The following NXPH1 variants were observed in gnomAD, a reference collection of about 807,000 sequenced individuals.
NXPH1 encodes the protein neurexophilin 1, also known as neurexophilin-1.
NXPH1 carries 5 observed loss-of-function variants against 23.7 expected under a neutral mutation model. That is an observed-to-expected ratio of 0.21 (90% confidence interval 0.11 to 0.44). The LOEUF (loss-of-function observed/expected upper bound fraction) is 0.44, where lower values mean the gene tolerates loss of function less well. NXPH1 is among the 20% of genes least tolerant of loss of function. NXPH1 has a pLI of 0.99. For synonymous variants in NXPH1, 144 were observed against 122.2 expected (o/e 1.18, Z -1.18); for missense variants, 324 against 321.6 (o/e 1.01, Z -0.06).
intron 2 of NXPH1, among the ~76,000 whole-genome samples, chr7:8,671,808 C>G (rs746757502): frequency 6.6e-6 from 1 of 152,106 alleles, no homozygotes; most frequent in African/African-American, 2.4e-5. Flanking sequence ...ATTCTGTCGC[C>G]TCTTTAGAAA....
intron 2 of NXPH1, among the ~76,000 whole-genome samples, chr7:8,514,577 G>T (rs1817660537): frequency 6.6e-6 from 1 of 152,112 alleles, no homozygotes. Context: ...TCCCCCATGT[G>T]CTGTGTGTGT....
chr7:8,658,717 G>A (rs12533122), intron 2 of NXPH1, among the ~76,000 whole-genome samples: 110,998 of 151,994 alleles, frequency 0.73, 40,955 homozygotes, highest in East Asian at 1. Flanking sequence ...ATTTTATAGT[G>A]TTACGTATCG....
At chr7:8,614,962 A>G (rs1290225939) in intron 2 of NXPH1, among the ~76,000 whole-genome samples, 1 of 152,042 alleles carries the variant, frequency 6.6e-6, no homozygotes, top group Non-Finnish European at 1.5e-5. Flanking sequence ...TTTGAGATTA[A>G]AGATTCTGTT....
chr7:8,702,999 G>A (rs940262391), intron 2 of NXPH1, among the ~76,000 whole-genome samples: 20 of 152,118 alleles, frequency 1.3e-4, no homozygotes, highest in African/African-American at 4.8e-4. Context: ...CCTCCTGTTA[G>A]TTTCTGCCAA....
chr7:8,593,941 G>C (rs965709754), intron 2 of NXPH1, among the ~76,000 whole-genome samples: 1 of 151,762 alleles, frequency 6.6e-6, no homozygotes, highest in Non-Finnish European at 1.5e-5. Context: ...AAACATTTCA[G>C]CTTATGATAA....
chr7:8,675,502 ACAAT>A, intron 2 of NXPH1, among the ~76,000 whole-genome samples: 1 of 152,152 alleles, frequency 6.6e-6, no homozygotes, highest in African/African-American at 2.4e-5. Context: ...TATTCATTCG[ACAAT>A]CAGTTATTGA....
At chr7:8,614,945 A>G (rs1819703600) in intron 2 of NXPH1, among the ~76,000 whole-genome samples, 1 of 152,038 alleles carries the variant, frequency 6.6e-6, no homozygotes, top group Admixed American at 6.6e-5. Flanking sequence ...AGGTCTTTTA[A>G]ATGGTGTTTG....
chr7:8,609,633 CA>C (rs1427184027), intron 2 of NXPH1, among the ~76,000 whole-genome samples: 1 of 152,114 alleles, frequency 6.6e-6, no homozygotes, highest in African/African-American at 2.4e-5. Flanking sequence ...ACTAGTATTA[CA>C]GACAAAAATC....
chr7:8,454,336 G>C (rs1224255732), intron 2 of NXPH1, among the ~76,000 whole-genome samples: 1 of 152,134 alleles, frequency 6.6e-6, no homozygotes, highest in Non-Finnish European at 1.5e-5. Flanking sequence ...TGATATGGTT[G>C]AAATAATGGG....
chr7:8,600,186 G>T (rs1819325207), intron 2 of NXPH1, among the ~76,000 whole-genome samples: 1 of 152,008 alleles, frequency 6.6e-6, no homozygotes, highest in African/African-American at 2.4e-5. Flanking sequence ...TCGTTCTGGG[G>T]TATAAGAAAG....
rs1816324282 is a variant in NXPH1, at chr7:8,442,742, C to G, written c.54+6975C>G. The stretch of plus-strand genomic sequence containing the variant: ...GTCTGCTTTCAGTCGCAGGTGACCT[C>G]GAGCGATCTCGACAGGTTTATGGAA... On this transcript the variant is annotated intron_variant, in intron 2 of 2. Transcript: ENST00000405863. The surrounding 1 kb of genome is among the most constrained non-coding windows in gnomAD (Gnocchi z 4.6). Among the ~76,000 whole-genome samples, 2 of 152,228 alleles carry G rather than the reference C, an allele frequency of 1.3e-5. No individual in the cohort carries two copies. Among genetic ancestry groups the G allele is most frequent in the African/African-American group, 4.8e-5 (2 of 41,458 alleles).
At chr7:8,508,540 T>C (rs1204029313) in intron 2 of NXPH1, among the ~76,000 whole-genome samples, 1 of 152,114 alleles carries the variant, frequency 6.6e-6, no homozygotes, top group East Asian at 1.9e-4. Flanking sequence ...GGGGAGATAG[T>C]GTGTAACCAT....
At chr7:8,708,690 A>C (rs752732390) in intron 2 of NXPH1, among the ~76,000 whole-genome samples, 4 of 151,992 alleles carry the variant, frequency 2.6e-5, no homozygotes, top group Non-Finnish European at 5.9e-5. Context: ...TATCCACCCC[A>C]TACAATTTTT....
At chr7:8,506,218 T>G (rs982445064) in intron 2 of NXPH1, among the ~76,000 whole-genome samples, 10 of 152,098 alleles carry the variant, frequency 6.6e-5, no homozygotes, top group African/African-American at 2.4e-4. Context: ...GTTGCAATGA[T>G]TTTTACCTCC....
chr7:8,630,569 C>G (rs898120021), intron 2 of NXPH1, among the ~76,000 whole-genome samples: 3 of 152,110 alleles, frequency 2.0e-5, no homozygotes, highest in African/African-American at 7.2e-5. Context: ...GTAATAAAAT[C>G]CATCATTCAA....
chr7:8,468,871 T>A (rs1816826149), intron 2 of NXPH1, among the ~76,000 whole-genome samples: 1 of 152,060 alleles, frequency 6.6e-6, no homozygotes, highest in Admixed American at 6.6e-5. Flanking sequence ...GAAAGGTAGT[T>A]TCATCTAAAA....
At chr7:8,687,077 C>T (rs1293965977) in intron 2 of NXPH1, among the ~76,000 whole-genome samples, 1 of 151,966 alleles carries the variant, frequency 6.6e-6, no homozygotes, top group African/African-American at 2.4e-5. Context: ...AACAAGACAC[C>T]CTTTTGACTT....
intron 2 of NXPH1, among the ~76,000 whole-genome samples, chr7:8,740,347 C>G (rs1410785062): frequency 6.6e-6 from 1 of 152,062 alleles, no homozygotes; most frequent in East Asian, 1.9e-4. Flanking sequence ...GTTTGGATGG[C>G]AAGAAGAATA....
chr7:8,498,248 C>T (rs567816714), intron 2 of NXPH1, among the ~76,000 whole-genome samples: 1 of 152,106 alleles, frequency 6.6e-6, no homozygotes, highest in South Asian at 2.1e-4. Flanking sequence ...CATTATCATA[C>T]CTGTCAACCA....
Sources: allele counts gnomAD v4.1 joint callset (sites outside exome capture counted in the v4.1 genomes callset), GRCh38; gene constraint gnomAD v4.1.1; non-coding constraint Gnocchi (gnomAD v3.1); transcripts MANE v1.5; gene names NCBI Gene and HGNC (gene_info 2026-07-23, HGNC 2026-07-21).